DLGAP2: variants seen among roughly 807,000 people sequenced by gnomAD.
DLGAP2 encodes DLG associated protein 2, also known as disks large-associated protein 2.
In DLGAP2, 26 loss-of-function variants were observed where a neutral mutation model predicts 100.3. The observed-to-expected ratio is 0.26, with a 90% CI of 0.19 to 0.36. The LOEUF is 0.36. DLGAP2 is among the 10% of genes least tolerant of loss of function. DLGAP2 has a pLI of 1.00. For synonymous variants in DLGAP2, 886 were observed against 630.1 expected, an observed-to-expected ratio of 1.41 and a Z score of -6.08; for missense variants, 1,858 against 1,453.2, an observed-to-expected ratio of 1.28 and a Z score of -4.53.
intron 2 of DLGAP2, among the ~76,000 whole-genome samples, chr8:1,226,737 C>T (rs1320114902): frequency 6.6e-6 from 1 of 152,050 alleles, no homozygotes; most frequent in Non-Finnish European, 1.5e-5. Flanking sequence ...GAGCGCTTTT[C>T]ACACAACTGT....
At chr8:1,513,590 T>C (rs981282832) in intron 4 of DLGAP2, among the ~76,000 whole-genome samples, 4 of 152,214 alleles carry the variant, frequency 2.6e-5, no homozygotes, top group African/African-American at 4.8e-5. Context: ...AATTGCAGCA[T>C]TGAATTTCTA....
Position 1,193,199 on chromosome 8 carries a change from T to G in DLGAP2, c.74-65652T>G, listed in dbSNP as rs370642570. On this transcript the variant is annotated intron_variant, in intron 2 of 14. Transcript: ENST00000637795. ...TTGGGTATATAACCGGTAATGGGAT[T>G]GCTGGGTCAAATGGTATTTCTAGTT... Among the ~76,000 whole-genome samples, 30 of 152,306 alleles carry G rather than the reference T, an allele frequency of 2.0e-4. No individual in the cohort carries two copies. In the East Asian group the frequency reaches 2.5e-3, roughly 13 times the overall value.
intron 2 of DLGAP2, among the ~76,000 whole-genome samples, chr8:932,808 A>C (rs1275468055): frequency 2.0e-5 from 3 of 152,064 alleles, no homozygotes; most frequent in Non-Finnish European, 4.4e-5. Flanking sequence ...ATTATTTCAA[A>C]ATGAAAAATT....
At chr8:1,374,240 G>C (rs949329751) in intron 3 of DLGAP2, among the ~76,000 whole-genome samples, 2 of 152,086 alleles carry the variant, frequency 1.3e-5, no homozygotes, top group African/African-American at 4.8e-5. Flanking sequence ...CACGTTTGTA[G>C]AGGGCTGTGT....
chr8:1,321,780 T>C (rs1800907395), intron 3 of DLGAP2, among the ~76,000 whole-genome samples: 3 of 152,280 alleles, frequency 2.0e-5, no homozygotes, highest in South Asian at 4.1e-4. Flanking sequence ...AAGGGGAAAA[T>C]GTGTAATTAG....
At chr8:989,540 C>T (rs1318566310) in intron 2 of DLGAP2, among the ~76,000 whole-genome samples, 2 of 152,252 alleles carry the variant, frequency 1.3e-5, no homozygotes, top group Admixed American at 1.3e-4. Context: ...AACTTTCTCA[C>T]ATGTCATGTG....
intron 2 of DLGAP2, among the ~76,000 whole-genome samples, chr8:1,056,269 C>G (rs1047700936): frequency 1.3e-5 from 2 of 152,214 alleles, no homozygotes; most frequent in Admixed American, 6.5e-5. Context: ...GGCCTCTCCA[C>G]TCGTGGCATC....
chr8:1,528,195 G>C (rs1354814537), intron 4 of DLGAP2, among the ~76,000 whole-genome samples: 1 of 152,180 alleles, frequency 6.6e-6, no homozygotes, highest in African/African-American at 2.4e-5. Context: ...TCCACTGCTG[G>C]AACAGCTGCC....
At chr8:805,643 T>C (rs764414853) in intron 1 of DLGAP2, among the ~76,000 whole-genome samples, 1 of 152,184 alleles carries the variant, frequency 6.6e-6, no homozygotes, top group Non-Finnish European at 1.5e-5. Flanking sequence ...GGTCTCTTTC[T>C]GTCACCCAGG....
intron 3 of DLGAP2, among the ~76,000 whole-genome samples, chr8:1,481,471 CTTTT>C (rs1165790168): frequency 5.7e-4 from 25 of 43,700 alleles, no homozygotes; most frequent in African/African-American, 1.5e-3. Context: ...TTTTCTTTTT[CTTTT>C]TTTTTTTTTT....
In DLGAP2 at chr8:1,358,708, T is replaced by C. The variant is rs144967585; in HGVS notation, c.106+99825T>C. On this transcript the variant is annotated intron_variant, in intron 3 of 14. Coordinates refer to ENST00000637795, the MANE Select transcript of DLGAP2 (RefSeq NM_001346810.2). ...TTTAGGAGAAACGTGTTATCCCCACTGTGTAATCTGGAACCATGCTGCGCA... is the reference window on the plus strand; with the variant it reads ...TTTAGGAGAAACGTGTTATCCCCACCGTGTAATCTGGAACCATGCTGCGCA... 2.1e-3 allele frequency among the ~76,000 whole-genome samples: 320 copies of C among 152,092 alleles called. 6 individuals carry two copies. Among genetic ancestry groups the C allele is most frequent in the Non-Finnish European group, 4.2e-3 (283 of 67,930 alleles).
intron 3 of DLGAP2, chr8:1,296,079 T>A (rs1350013042): frequency 2.0e-5 from 3 of 152,218 alleles, no homozygotes; most frequent in Admixed American, 1.3e-4. Flanking sequence ...GCTGTTCGCC[T>A]GATGCCTGTA....
intron 2 of DLGAP2, among the ~76,000 whole-genome samples, chr8:1,215,881 G>A (rs1798202210): frequency 6.9e-6 from 1 of 145,144 alleles, no homozygotes; most frequent in Non-Finnish European, 1.5e-5. Flanking sequence ...AGACGTCCAG[G>A]TACCTCCATG....
At position 940,118 on chromosome 8, in the gene DLGAP2, G is replaced by C. The variant is rs373628935; in HGVS notation, c.73+32152G>C. 5.9e-5 allele frequency among the ~76,000 whole-genome samples: 9 copies of C among 152,174 alleles called. No homozygotes were observed. In the East Asian group the frequency reaches 1.4e-3, roughly 23 times the overall value. ...GCCACAGAGCTGTGGAAAGACAGTG[G>C]GGCGTGGGGCGTGGGGCCTGAAGAC... is the stretch of plus-strand genomic sequence containing the variant. On this transcript the variant is annotated intron_variant, in intron 2 of 14. Transcript: ENST00000637795.
intron 6 of DLGAP2, among the ~76,000 whole-genome samples, chr8:1,613,285 T>C (rs13263740): frequency 0.23 from 31,886 of 141,010 alleles, 3,567 homozygotes; most frequent in Middle Eastern, 0.46. Flanking sequence ...AGTAAACTAT[T>C]GCAAGAACAA....
At chr8:1,686,351 T>TAAAC (rs1479304152) in intron 12 of DLGAP2, among the ~76,000 whole-genome samples, 2 of 152,190 alleles carry the variant, frequency 1.3e-5, no homozygotes, top group Non-Finnish European at 2.9e-5. Context: ...CACAGAAAGA[T>TAAAC]AAACACTGCG....
chr8:1,392,715 G>A (rs370932807), intron 3 of DLGAP2, among the ~76,000 whole-genome samples: 100 of 152,316 alleles, frequency 6.6e-4, no homozygotes, highest in African/African-American at 1.9e-3. Flanking sequence ...CTGCGTTTCA[G>A]TGGAAGTGCC....
intron 6 of DLGAP2, among the ~76,000 whole-genome samples, chr8:1,578,659 C>T (rs573276593): frequency 6.6e-6 from 1 of 152,192 alleles, no homozygotes; most frequent in Non-Finnish European, 1.5e-5. Flanking sequence ...AAAAATCAGT[C>T]TTCTCGTTAA....
intron 1 of DLGAP2, among the ~76,000 whole-genome samples, chr8:843,608 TTTTGC>T (rs1193210847): frequency 6.6e-6 from 1 of 152,226 alleles, no homozygotes; most frequent in Non-Finnish European, 1.5e-5. Flanking sequence ...CTTCCCCGTA[TTTTGC>T]ACTCCCTGGG....
Sources: gnomAD v4.1 joint callset for allele counts (sites outside exome capture counted in the v4.1 genomes callset) on GRCh38, gnomAD v4.1.1 for gene constraint, MANE v1.5 for transcripts, NCBI Gene and HGNC (gene_info 2026-07-23, HGNC 2026-07-21) for gene names.